Variants in UBE3D observed in about 807,000 individuals in gnomAD.
UBE3D encodes ubiquitin protein ligase E3D, also known as E3 ubiquitin-protein ligase E3D.
Under a neutral mutation model 49.6 loss-of-function variants are expected in UBE3D, and 48 were observed. The observed-to-expected ratio is 0.97, with a 90% CI of 0.77 to 1.23. UBE3D has a LOEUF of 1.23. Ranked by LOEUF, UBE3D falls within the 50% of genes most tolerant of loss-of-function variation. The pLI, the probability that UBE3D is intolerant of heterozygous loss-of-function variation, is 0.00. For missense variants in UBE3D, 452 were observed against 468.4 expected (o/e 0.96, Z 0.32); for synonymous variants, 189 against 174.2 (o/e 1.08, Z -0.67).
chr6:82,903,818 CT>C (rs1771907991), intron 9 of UBE3D, among the ~76,000 whole-genome samples: 1 of 152,032 alleles, frequency 6.6e-6, no homozygotes, highest in Admixed American at 6.6e-5. Flanking sequence ...TAAATAATGG[CT>C]TATGAGGAGT....
intron 8 of UBE3D, among the ~76,000 whole-genome samples, chr6:82,963,430 T>G (rs977640478): frequency 6.6e-6 from 1 of 152,146 alleles, no homozygotes; most frequent in African/African-American, 2.4e-5. Flanking sequence ...GATAGATATA[T>G]AGGGAAGTTT....
intron 9 of UBE3D, among the ~76,000 whole-genome samples, chr6:82,943,343 G>A (rs1018001006): frequency 5.9e-5 from 9 of 152,148 alleles, no homozygotes; most frequent in African/African-American, 2.2e-4. Flanking sequence ...ACCTTCTTAA[G>A]AACCGAAACT....
chr6:82,978,063 G>A (rs778695062), intron 8 of UBE3D, among the ~76,000 whole-genome samples: 10 of 151,912 alleles, frequency 6.6e-5, no homozygotes, highest in African/African-American at 1.7e-4. Flanking sequence ...CCCACATCTC[G>A]GTGGGAAAGG....
chr6:82,911,689 A>AAAT (rs1363360747), intron 9 of UBE3D, among the ~76,000 whole-genome samples: 1 of 152,184 alleles, frequency 6.6e-6, no homozygotes. Context: ...GCATTTCACT[A>AAAT]GTGCTGCTGC....
chr6:82,932,397 G>T (rs2127745878), intron 9 of UBE3D, among the ~76,000 whole-genome samples: 1 of 152,074 alleles, frequency 6.6e-6, no homozygotes, highest in East Asian at 1.9e-4. Context: ...GGTGTATCTG[G>T]TCCTATATGG....
chr6:83,034,904 C>T (rs1298848424), intron 5 of UBE3D, among the ~76,000 whole-genome samples: 1 of 151,940 alleles, frequency 6.6e-6, no homozygotes, highest in Non-Finnish European at 1.5e-5. Context: ...AAAAATCAGC[C>T]AGGTATGTTG....
At chr6:83,049,629 C>G (rs1285344896) in intron 3 of UBE3D, 1 of 318,216 alleles carries the variant, frequency 3.1e-6, no homozygotes, top group Non-Finnish European at 6.8e-6. Context: ...CTCATGTTTC[C>G]CAAGATCCCA....
chr6:82,930,084 C>A (rs1179678757), intron 9 of UBE3D, among the ~76,000 whole-genome samples: 1 of 152,098 alleles, frequency 6.6e-6, no homozygotes, highest in Non-Finnish European at 1.5e-5. Flanking sequence ...GGTGGTGACC[C>A]TCATGCTGTT....
chr6:82,988,710 ATTTCC>A (rs1778690661), intron 8 of UBE3D, among the ~76,000 whole-genome samples: 1 of 152,138 alleles, frequency 6.6e-6, no homozygotes, highest in South Asian at 2.1e-4. Context: ...GCCATGTGCC[ATTTCC>A]TTTCTTTAGT....
At chr6:82,955,850 C>T (rs1457778636) in intron 9 of UBE3D, among the ~76,000 whole-genome samples, 1 of 152,166 alleles carries the variant, frequency 6.6e-6, no homozygotes, top group Non-Finnish European at 1.5e-5. Flanking sequence ...CAATCCATTG[C>T]TCCAGATCTC....
chr6:82,891,270 G>A (rs1770973678), downstream of UBE3D, among the ~76,000 whole-genome samples: 1 of 152,176 alleles, frequency 6.6e-6, no homozygotes. Flanking sequence ...GAGTGGAGGA[G>A]GGGGCTGTGC....
chr6:82,912,696 T>C (rs529471602), intron 9 of UBE3D, among the ~76,000 whole-genome samples: 8 of 152,116 alleles, frequency 5.3e-5, no homozygotes, highest in African/African-American at 1.5e-4. Context: ...TTGCTTTCTG[T>C]ATTTGCTATT....
chr6:82,935,944 A>G (rs1279663946), intron 9 of UBE3D, among the ~76,000 whole-genome samples: 1 of 152,154 alleles, frequency 6.6e-6, no homozygotes, highest in African/African-American at 2.4e-5. Context: ...AAGCCTGACA[A>G]TTATATGTAT....
At chr6:83,055,143 G>A (rs74965624) in intron 2 of UBE3D, among the ~76,000 whole-genome samples, 22 of 151,976 alleles carry the variant, frequency 1.4e-4, no homozygotes, top group African/African-American at 5.3e-4. Flanking sequence ...AAGCTGTGGG[G>A]AAAAATGTAT....
chr6:82,968,330 C>G (rs1777100215), intron 8 of UBE3D, among the ~76,000 whole-genome samples: 1 of 150,318 alleles, frequency 6.7e-6, no homozygotes, highest in Admixed American at 6.6e-5. Context: ...TGCCCCCCAC[C>G]CCATCACTGA....
intron 8 of UBE3D, among the ~76,000 whole-genome samples, chr6:83,015,036 C>T (rs895253651): frequency 5.8e-4 from 89 of 152,170 alleles, no homozygotes; most frequent in African/African-American, 2.1e-3. Context: ...CGGTAGTATG[C>T]CCACCTTGCC....
At chr6:82,904,470 C>T (rs149619141) in intron 9 of UBE3D, among the ~76,000 whole-genome samples, 221 of 152,214 alleles carry the variant, frequency 1.5e-3, no homozygotes, top group African/African-American at 4.6e-3. Flanking sequence ...AATGCCTCCC[C>T]GACATTTACT....
At chr6:83,047,240 A>C (rs1238308763) in intron 3 of UBE3D, among the ~76,000 whole-genome samples, 1 of 152,226 alleles carries the variant, frequency 6.6e-6, no homozygotes, top group Admixed American at 6.5e-5. Flanking sequence ...TTAGGCATCC[A>C]CAATATTGCT....
chr6:82,889,845 A>G (rs1408782513), downstream of UBE3D, among the ~76,000 whole-genome samples: 1 of 151,784 alleles, frequency 6.6e-6, no homozygotes, highest in Non-Finnish European at 1.5e-5. Flanking sequence ...GTCCTCACTG[A>G]ATGAACAAAC....
Sources: allele counts gnomAD v4.1 joint callset (sites outside exome capture counted in the v4.1 genomes callset), GRCh38; gene constraint gnomAD v4.1.1; transcripts MANE v1.5; gene names NCBI Gene and HGNC (gene_info 2026-07-23, HGNC 2026-07-21).